Variants in SLC24A2 observed in about 807,000 individuals in gnomAD.
SLC24A2 encodes the protein solute carrier family 24 member 2.
Under a neutral mutation model 62.0 loss-of-function variants are expected in SLC24A2, and 36 were observed. The ratio of observed to expected loss-of-function variants is 0.58; its 90% CI spans 0.44 to 0.77. The LOEUF is 0.77. SLC24A2 is among the 30% of genes least tolerant of loss of function. The pLI, the probability that SLC24A2 is intolerant of heterozygous loss-of-function variation, is 0.00. For synonymous variants in SLC24A2, 358 were observed against 294.0 expected (o/e 1.22, Z -2.23); for missense variants, 846 against 817.9 (o/e 1.03, Z -0.42).
At chr9:19,918,222 G>A in the SLC24A2 span, among the ~76,000 whole-genome samples, 1 of 150,272 alleles carries the variant, frequency 6.7e-6, no homozygotes, top group South Asian at 2.1e-4. Context: ...TACATTCCTG[G>A]GAACTATTTT....
At chr9:19,805,899 G>A in the SLC24A2 span, among the ~76,000 whole-genome samples, 1 of 150,940 alleles carries the variant, frequency 6.6e-6, no homozygotes, top group Admixed American at 6.6e-5. Flanking sequence ...GTGGGTCCCT[G>A]AGGCTTAAGC....
chr9:19,889,011 A>G, the SLC24A2 span, among the ~76,000 whole-genome samples: 1 of 152,208 alleles, frequency 6.6e-6, no homozygotes, highest in Non-Finnish European at 1.5e-5. Flanking sequence ...CTCACGAGTC[A>G]GAGAAGCTAG....
chr9:19,644,623 T>A (rs998862200), intron 2 of SLC24A2, among the ~76,000 whole-genome samples: 2 of 152,182 alleles, frequency 1.3e-5, no homozygotes, highest in African/African-American at 4.8e-5. Context: ...TTCTAGCCTG[T>A]TTAAATTTAA....
chr9:20,061,641 C>CT, the SLC24A2 span, among the ~76,000 whole-genome samples: 3 of 152,140 alleles, frequency 2.0e-5, no homozygotes, highest in Admixed American at 6.6e-5. Context: ...AAAGGATAGT[C>CT]TTTTCAATAG....
At chr9:20,158,481 G>A in the SLC24A2 span, among the ~76,000 whole-genome samples, 4 of 151,542 alleles carry the variant, frequency 2.6e-5, no homozygotes, top group African/African-American at 9.7e-5. Context: ...CACATAGAAG[G>A]TGCCATTTAT....
chr9:19,786,556 G>C lies in SLC24A2; in HGVS notation c.311C>G (p.Ser104Cys), dbSNP rs753277224. The change falls in exon 2 of 11, where the codon TCT becomes TGT. Residue 104 changes from serine (S) to cysteine (C), a missense_variant. By Grantham distance (112) the Ser-to-Cys change is moderately radical (BLOSUM62 -1). Transcript: ENST00000341998. The surrounding 1 kb of genome is among the most constrained non-coding windows in gnomAD (Gnocchi z 5.0). ...ACTATTCTCAGACTCGCCTTCCTTA[G>C]AAAGAGGTGGCTGTGGAGTATAATC... is the stretch of plus-strand genomic sequence containing the variant. ...ILDYTPQPPL[S>C]KEGESENSTD... 7 of 1,614,074 alleles carry C rather than the reference G, an allele frequency of 4.3e-6. No homozygotes were observed. Among genetic ancestry groups the C allele is most frequent in the Non-Finnish European group, 5.9e-6 (7 of 1,180,046 alleles).
In SLC24A2 at chr9:19,508,444, A is replaced by G. The variant is rs1246761383; in HGVS notation, c.*7709T>C. The G allele has an allele frequency of 6.6e-6, 1 of 152,184 alleles. No individual in the cohort carries two copies. The highest frequency in any genetic ancestry group is 2.4e-5 in the African/African-American group (1 of 41,434). 9.4% of individuals were successfully genotyped at this position (152,184 alleles called of 1,614,324 possible). ...CTCTATATGGACAATTTAGGTACCC[A>G]GTTCTGGTGGATTTCTAGACTATTA... is the stretch of plus-strand genomic sequence containing the variant. On this transcript the variant is annotated 3_prime_UTR_variant, in exon 11 of 11. Coordinates refer to ENST00000341998, the MANE Select transcript of SLC24A2 (RefSeq NM_020344.4).
chr9:19,975,199 C>G, the SLC24A2 span, among the ~76,000 whole-genome samples: 2 of 152,148 alleles, frequency 1.3e-5, no homozygotes, highest in African/African-American at 2.4e-5. Context: ...GGTCTAAGAG[C>G]CTAGCTTAGC....
intron 2 of SLC24A2, among the ~76,000 whole-genome samples, chr9:19,701,043 T>C (rs185657273): frequency 2.0e-5 from 3 of 152,364 alleles, no homozygotes; most frequent in East Asian, 1.9e-4. Flanking sequence ...TATCAGAGGA[T>C]TGAGTCCTAA....
chr9:20,177,244 G>T, the SLC24A2 span, among the ~76,000 whole-genome samples: 9 of 152,036 alleles, frequency 5.9e-5, no homozygotes, highest in Non-Finnish European at 1.3e-4. Context: ...ACTTTCAAAA[G>T]TAAAAAAAAG....
chr9:19,521,034 T>C lies in SLC24A2; in HGVS notation c.1596A>G (p.Glu532=). 1.2e-6 allele frequency: 2 copies of C among 1,613,508 alleles called. No homozygotes were observed. Among genetic ancestry groups the C allele is most frequent in the Non-Finnish European group, 1.7e-6 (2 of 1,179,460 alleles). Residue 532 remains glutamate, a synonymous_variant, in exon 10 of 11, where the codon GAA becomes GAG. Coordinates refer to ENST00000341998, the MANE Select transcript of SLC24A2 (RefSeq NM_020344.4). ...CCAAGATGGTCAGGCCCATAATCTC[T>C]TCACTGATGCCAATTGTCTCTCCAA... The part of the protein sequence containing the change: ...HQVGETIGIS[E]EIMGLTILAA...
chr9:19,523,705 C>T (rs370483648), intron 9 of SLC24A2, among the ~76,000 whole-genome samples: 47 of 152,218 alleles, frequency 3.1e-4, no homozygotes, highest in African/African-American at 7.2e-4. Flanking sequence ...TCAGGTAATC[C>T]GCCTGCCTTG....
the SLC24A2 span, among the ~76,000 whole-genome samples, chr9:20,147,608 C>G: frequency 1.3e-5 from 2 of 152,224 alleles, no homozygotes; most frequent in South Asian, 2.1e-4. Context: ...AGGCTTCAAC[C>G]CTTAACCTGA....
intron 2 of SLC24A2, among the ~76,000 whole-genome samples, chr9:19,637,866 G>A (rs147589731): frequency 6.6e-6 from 1 of 152,206 alleles, no homozygotes; most frequent in Non-Finnish European, 1.5e-5. Context: ...GACAGGTGTG[G>A]AATACACAAA....
At chr9:19,804,749 G>A in the SLC24A2 span, among the ~76,000 whole-genome samples, 1 of 152,092 alleles carries the variant, frequency 6.6e-6, no homozygotes, top group East Asian at 1.9e-4. Flanking sequence ...ATTAAGTATA[G>A]TGCTGGCTGT....
the SLC24A2 span, among the ~76,000 whole-genome samples, chr9:20,114,215 C>G: frequency 6.6e-6 from 1 of 152,102 alleles, no homozygotes; most frequent in East Asian, 1.9e-4. Flanking sequence ...TGTGAGGAAA[C>G]TATCTGAGGT....
At chr9:20,253,513 T>A in the SLC24A2 span, among the ~76,000 whole-genome samples, 1 of 152,222 alleles carries the variant, frequency 6.6e-6, no homozygotes, top group Non-Finnish European at 1.5e-5. Context: ...CCAAGGCCAA[T>A]GATCCAGGGC....
At chr9:19,557,882 G>T (rs1191314692) in intron 7 of SLC24A2, among the ~76,000 whole-genome samples, 1 of 149,674 alleles carries the variant, frequency 6.7e-6, no homozygotes, top group Non-Finnish European at 1.5e-5. Flanking sequence ...GCAGTGGCAT[G>T]ATCTCAGCTC....
chr9:19,662,236 T>A (rs1819122670), intron 2 of SLC24A2, among the ~76,000 whole-genome samples: 1 of 152,202 alleles, frequency 6.6e-6, no homozygotes, highest in Admixed American at 6.5e-5. Context: ...CAACATGTAA[T>A]CAATAGAAGA....
Sources: allele counts gnomAD v4.1 joint callset (sites outside exome capture counted in the v4.1 genomes callset), GRCh38; gene constraint gnomAD v4.1.1; non-coding constraint Gnocchi (gnomAD v3.1); transcripts MANE v1.5; gene names NCBI Gene and HGNC (gene_info 2026-07-23, HGNC 2026-07-21).